Variants in RDH10 observed in about 807,000 individuals in gnomAD.
RDH10 encodes the protein retinol dehydrogenase 10 (all-trans).
In RDH10, 12 loss-of-function variants were observed where a neutral mutation model predicts 30.2. The observed-to-expected ratio is 0.40, with a 90% CI of 0.25 to 0.64. The LOEUF is 0.64. Ranked by LOEUF, RDH10 falls within the 30% of genes least tolerant of loss-of-function variation. The probability of loss-of-function intolerance (pLI) is 0.43; values close to 1 mark genes in which losing one functional copy is unlikely to be tolerated. For synonymous variants in RDH10, 189 were observed against 172.2 expected (o/e 1.10, Z -0.76); for missense variants, 268 against 445.2 (o/e 0.60, Z 3.58).
At chr8:73,304,373 C>A (rs542388109) in intron 2 of RDH10, among the ~76,000 whole-genome samples, 16 of 152,284 alleles carry the variant, frequency 1.1e-4, no homozygotes, top group African/African-American at 3.9e-4. Flanking sequence ...CCTACTTCAT[C>A]CTGTGTGCCT....
chr8:73,322,803 A>T lies in RDH10; in HGVS notation c.895A>T (p.Met299Leu). The T allele has an allele frequency of 6.2e-7, 1 of 1,614,198 alleles. No homozygotes were observed. The highest frequency in any genetic ancestry group is 8.5e-7 in the Non-Finnish European group (1 of 1,180,030). Reference sequence around the variant, plus strand: ...CCGCCTCATGTACATCGTGACCTTCATGAAGAGGTAACTGGGAGGGGTTCC... The same window carrying T: ...CCGCCTCATGTACATCGTGACCTTCTTGAAGAGGTAACTGGGAGGGGTTCC... ...TPRLMYIVTF[M>L]KSILPFEAVV... Residue 299 changes from methionine (M) to leucine (L), a missense_variant, in exon 5 of 6, where the codon ATG (methionine) becomes TTG (leucine). Met to Leu is a conservative substitution (Grantham distance 15). This residue lies in a region of RDH10 where 136 missense variants were observed against 288.8 expected (regional missense o/e 0.47). Coordinates refer to ENST00000240285, the MANE Select transcript of RDH10 (RefSeq NM_172037.5).
rs574249226 is a variant in RDH10 at position 73,301,074 on chromosome 8, G to T, written c.525+3645G>T. ...TTTTTTTTTTTTTTTTTTTTGAGAC[G>T]GAGTCTCGCTCTGTCGCCCAGGCTG... On this transcript the variant is annotated intron_variant, in intron 2 of 5. Transcript: ENST00000240285. Among the ~76,000 whole-genome samples, 12 of 111,092 alleles carry T rather than the reference G, an allele frequency of 1.1e-4. No individual in the cohort carries two copies. The South Asian group carries it at 3.2e-3, about 30-fold the overall frequency. 72.9% of individuals were successfully genotyped at this position (111,092 alleles called of 152,430 possible). A position where few individuals can be genotyped will look rare whatever the true frequency, so the allele number is the denominator to read the frequency against.
Position 73,296,071 on chromosome 8 carries a change from C to T in RDH10, c.289+493C>T, listed in dbSNP as rs1013247179. 2.2e-4 allele frequency among the ~76,000 whole-genome samples: 34 copies of T among 152,164 alleles called. 1 individual carries two copies. The highest frequency in any genetic ancestry group is 8.2e-4 in the African/African-American group (34 of 41,432). On this transcript the variant is annotated intron_variant, in intron 1 of 5. Transcript: ENST00000240285. ...CCTGAGGAACATAATTACATTGTTT[C>T]GCCAGCGATAAGTGCTTTAGTTACA...
chr8:73,297,735 C>CT, intron 2 of RDH10: 1 of 273,136 alleles, frequency 3.7e-6, no homozygotes, highest in Non-Finnish European at 7.2e-6. Context: ...GTTTATTTTA[C>CT]TTTCTGTTGA....
chr8:73,303,187 G>A (rs912774753), intron 2 of RDH10, among the ~76,000 whole-genome samples: 3 of 152,148 alleles, frequency 2.0e-5, no homozygotes, highest in Non-Finnish European at 4.4e-5. Context: ...AAAAGTAAAA[G>A]CCCACCAGCT....
chr8:73,295,927 C>T (rs974821686), intron 1 of RDH10: 2 of 810,824 alleles, frequency 2.5e-6, no homozygotes, highest in South Asian at 4.3e-5. Flanking sequence ...ACAAGCGGCG[C>T]GATGGGAAAC....
At chr8:73,320,357 T>C (rs1814743899) in intron 3 of RDH10, among the ~76,000 whole-genome samples, 2 of 151,998 alleles carry the variant, frequency 1.3e-5, no homozygotes, top group Admixed American at 6.6e-5. Flanking sequence ...ACTTAGTTGA[T>C]GTGACAAAAA....
At chr8:73,322,177 C>G in intron 4 of RDH10, 1 of 360,308 alleles carries the variant, frequency 2.8e-6, no homozygotes, top group Non-Finnish European at 5.5e-6. Context: ...GGTAGGATGT[C>G]TATATACCCT....
intron 1 of RDH10, 95 bp from the exon 2 acceptor site, chr8:73,297,099 T>C: frequency 1.3e-6 from 1 of 744,280 alleles, no homozygotes; most frequent in Non-Finnish European, 2.4e-6. Context: ...ATTTTTGTTT[T>C]GTGTGATCTT....
intron 4 of RDH10, 40 bp downstream of exon 4, chr8:73,321,117 G>A (rs1450842018): frequency 2.8e-6 from 4 of 1,423,952 alleles, no homozygotes; most frequent in East Asian, 2.3e-5. Context: ...AAAAGAATAT[G>A]TTGGGAGAAT....
intron 2 of RDH10, among the ~76,000 whole-genome samples, chr8:73,317,658 C>T (rs189096275): frequency 8.5e-4 from 129 of 152,288 alleles, no homozygotes; most frequent in African/African-American, 2.9e-3. Flanking sequence ...CAGTGGCTCA[C>T]GCCTGTAATC....
intron 2 of RDH10, among the ~76,000 whole-genome samples, chr8:73,303,483 C>T (rs1030697058): frequency 2.6e-5 from 4 of 152,136 alleles, no homozygotes; most frequent in Admixed American, 2.0e-4. Flanking sequence ...ATATTGATTT[C>T]CTATCTTAAG....
At chr8:73,310,184 A>G (rs892133090) in intron 2 of RDH10, among the ~76,000 whole-genome samples, 1 of 152,192 alleles carries the variant, frequency 6.6e-6, no homozygotes, top group Admixed American at 6.5e-5. Context: ...AGGTTCACAA[A>G]TACTTATTTT....
chr8:73,306,978 C>T (rs574411267), intron 2 of RDH10, among the ~76,000 whole-genome samples: 1 of 152,348 alleles, frequency 6.6e-6, no homozygotes, highest in South Asian at 2.1e-4. Context: ...TTGTAATTAA[C>T]ATACTGCCCC....
chr8:73,323,110 G>T lies in RDH10; in HGVS notation c.*74G>T. On this transcript the variant is annotated 3_prime_UTR_variant, in exon 6 of 6. Coordinates refer to ENST00000240285, the MANE Select transcript of RDH10 (RefSeq NM_172037.5). ...TTTCAGTCCAGTGCACATCAGCATT[G>T]CTGACATTTTATGGATTCTAAACTT... The T allele has an allele frequency of 8.4e-7, 1 of 1,186,686 alleles. No individual in the cohort carries two copies. Among genetic ancestry groups the T allele is most frequent in the Non-Finnish European group, 1.2e-6 (1 of 806,414 alleles). The allele number at this position is 1,186,686 out of a possible 1,614,324, so 73.5% of individuals were successfully genotyped here.
At chr8:73,297,113 C>T (rs1026020958) in intron 1 of RDH10, 81 bp from the exon 2 acceptor site, 3 of 802,312 alleles carry the variant, frequency 3.7e-6, no homozygotes, top group African/African-American at 3.4e-5. Context: ...TGATCTTTGT[C>T]CTACTGATCG....
In RDH10 at chr8:73,295,185, G is replaced by T. The variant is rs1352521025; in HGVS notation, c.-105G>T. The T allele has an allele frequency of 8.6e-7, 1 of 1,164,994 alleles. No individual in the cohort carries two copies. Among genetic ancestry groups the T allele is most frequent in the Non-Finnish European group, 1.1e-6 (1 of 871,432 alleles). The allele number at this position is 1,164,994 out of a possible 1,614,324, so 72.2% of individuals were successfully genotyped here. A position where few individuals can be genotyped will look rare whatever the true frequency, so the allele number is the denominator to read the frequency against. ...GGCGGGCGCGGGGCGCAGCCTTCTC[G>T]TCCCGGCCTCTGTGACAAGCGCCCC... On this transcript the variant is annotated 5_prime_UTR_variant, in exon 1 of 6. Transcript: ENST00000240285.
chr8:73,316,365 C>T (rs924056994), intron 2 of RDH10, among the ~76,000 whole-genome samples: 3 of 152,150 alleles, frequency 2.0e-5, no homozygotes, highest in African/African-American at 7.2e-5. Flanking sequence ...TGTGATGTTA[C>T]TTTATTTCAA....
intron 2 of RDH10, among the ~76,000 whole-genome samples, chr8:73,304,063 A>G (rs952191478): frequency 2.0e-5 from 3 of 152,282 alleles, no homozygotes; most frequent in Admixed American, 2.0e-4. Context: ...TCATCTTTCT[A>G]CAGAATGTGA....
Sources: allele counts gnomAD v4.1 joint callset (sites outside exome capture counted in the v4.1 genomes callset), GRCh38; gene constraint gnomAD v4.1.1; regional missense constraint gnomAD v4.1.1; transcripts MANE v1.5; gene names NCBI Gene and HGNC (gene_info 2026-07-23, HGNC 2026-07-21).